Variants in RPS24 observed in about 807,000 individuals in gnomAD.
RPS24 encodes ribosomal protein S24.
For missense variants in RPS24, 100 were observed against 162.5 expected (o/e 0.62, Z 2.09); for synonymous variants, 72 against 55.6 (o/e 1.30, Z -1.31).
At chr10:78,050,444 T>G (rs1170481200) in intron 4 of RPS24, among the ~76,000 whole-genome samples, 1 of 152,222 alleles carries the variant, frequency 6.6e-6, no homozygotes, top group Non-Finnish European at 1.5e-5. Flanking sequence ...ACATCTGTCT[T>G]TCTTTCCTTC....
At chr10:78,043,042 C>CA (rs1418673755), downstream of RPS24, among the ~76,000 whole-genome samples, 1 of 152,148 alleles carries the variant, frequency 6.6e-6, no homozygotes, top group Non-Finnish European at 1.5e-5. Flanking sequence ...GTCTCACTGT[C>CA]ACCCAGGCTG....
chr10:78,052,525 A>G (rs554534831), intron 4 of RPS24, among the ~76,000 whole-genome samples: 20 of 152,310 alleles, frequency 1.3e-4, no homozygotes, highest in Non-Finnish European at 2.8e-4. Context: ...GGATGCTAAA[A>G]AAAAGCAAAT....
intron 4 of RPS24, chr10:78,038,180 T>C (rs1172964145): frequency 7.5e-6 from 2 of 265,314 alleles, no homozygotes; most frequent in Non-Finnish European, 1.5e-5. Context: ...TGTTTTAAGA[T>C]AGTATATTAT....
chr10:78,037,179 T>G lies in RPS24; in HGVS notation c.280-15T>G. 6.3e-7 allele frequency: 1 copy of G among 1,591,746 alleles called. No homozygotes were observed. The highest frequency in any genetic ancestry group is 8.6e-7 in the Non-Finnish European group (1 of 1,169,544). On this transcript the variant is annotated splice_polypyrimidine_tract_variant and intron_variant, in intron 3 of 5. Transcript: ENST00000372360. ...ATGTTTACAAGTCACCTGGATGTAC[T>G]CTTTTCTCATTCAGCATGGCCTGTA...
At chr10:78,042,010 A>G (rs1003688511), downstream of RPS24, among the ~76,000 whole-genome samples, 2 of 152,286 alleles carry the variant, frequency 1.3e-5, no homozygotes, top group East Asian at 3.9e-4. Flanking sequence ...ATTTTTCCAG[A>G]GGATCCACTT....
At chr10:78,041,704 A>G (rs889679593), downstream of RPS24, among the ~76,000 whole-genome samples, 1 of 152,118 alleles carries the variant, frequency 6.6e-6, no homozygotes. Flanking sequence ...GGTGGTGAGG[A>G]TCCTGACAGT....
intron 1 of RPS24, chr10:78,034,234 C>T (rs1447642157): frequency 2.4e-5 from 12 of 499,664 alleles, no homozygotes; most frequent in South Asian, 7.0e-5. Context: ...GTCTGCAGTT[C>T]CTCATTGGGC....
downstream of RPS24, among the ~76,000 whole-genome samples, chr10:78,042,135 C>T (rs1847992610): frequency 6.6e-6 from 1 of 152,196 alleles, no homozygotes; most frequent in Non-Finnish European, 1.5e-5. Flanking sequence ...CTTGAAATAC[C>T]AGAAGCAGCA....
chr10:78,040,299 C>T, intron 5 of RPS24, 74 bp downstream of exon 5: 2 of 1,243,428 alleles, frequency 1.6e-6, no homozygotes, highest in South Asian at 1.2e-5. Context: ...AATTTAAAAG[C>T]AGATCATGTG....
chr10:78,043,781 G>C (rs574410999), downstream of RPS24, among the ~76,000 whole-genome samples: 1 of 152,270 alleles, frequency 6.6e-6, no homozygotes, highest in South Asian at 2.1e-4. Flanking sequence ...GTCTTGGAAG[G>C]CTTCCAGGAG....
downstream of RPS24, among the ~76,000 whole-genome samples, chr10:78,044,369 A>C (rs1026967689): frequency 3.9e-5 from 6 of 152,158 alleles, no homozygotes; most frequent in African/African-American, 1.4e-4. Flanking sequence ...GGGAGGTGGG[A>C]GCAGAGTGGG....
chr10:78,054,624 C>T lies in RPS24; in HGVS notation c.484C>T (p.Arg162Trp), dbSNP rs375150364. 4.1e-4 allele frequency: 635 copies of T among 1,551,566 alleles called. 6 individuals carry two copies. The South Asian group carries it at 7.1e-3, about 17-fold the overall frequency. The stretch of plus-strand genomic sequence containing the variant: ...GAAGAACTCGAAGGCAAGAGAAAGC[C>T]GGGGGGTTGTGTGGCAGGTAGAAGT... The change falls in exon 5 of 5, where the codon CGG becomes TGG. Residue 162 changes from arginine (R) to tryptophan (W), a missense_variant. Physicochemically the swap from Arg to Trp is moderately radical, Grantham distance 101 (BLOSUM62 -3). Coordinates refer to the RPS24 transcript ENST00000440692.
intron 4 of RPS24, among the ~76,000 whole-genome samples, chr10:78,050,450 CCTT>C (rs1198989906): frequency 1.3e-5 from 2 of 152,194 alleles, no homozygotes; most frequent in African/African-American, 2.4e-5. Flanking sequence ...GTCTTTCTTT[CCTT>C]CTTGTCACTC....
At chr10:78,054,652 C>T in exon 5 of RPS24, 1 of 1,551,682 alleles carries the variant, frequency 6.4e-7, no homozygotes, top group Non-Finnish European at 8.7e-7. Context: ...GTAGAAGTGC[C>T]AGGACCGTGG....
At chr10:78,040,778 G>A (rs1847976324), downstream of RPS24, 13 of 976,980 alleles carry the variant, frequency 1.3e-5, no homozygotes, top group South Asian at 1.5e-4. Context: ...TGCTGTCCAA[G>A]TTCACATGCT....
downstream of RPS24, among the ~76,000 whole-genome samples, chr10:78,044,415 G>A (rs1425766220): frequency 1.3e-5 from 2 of 152,148 alleles, no homozygotes; most frequent in Admixed American, 6.5e-5. Flanking sequence ...AAGATGGAAG[G>A]CCCTACATGA....
rs573961326 is a variant in RPS24, at chr10:78,035,370, C to T, written c.22C>T (p.Arg8Cys). ...TTTTCAGAACGACACCGTAACTATCCGCACTAGAAAGTTCATGACCAACCG... is the reference window on the plus strand; with the variant it reads ...TTTTCAGAACGACACCGTAACTATCTGCACTAGAAAGTTCATGACCAACCG... The part of the protein sequence containing the change: MNDTVTI[R>C]TRKFMTNRLL... The change falls in exon 2 of 6, where the codon CGC (arginine) becomes TGC (cysteine). Residue 8 changes from arginine to cysteine, a missense_variant. Transcript: ENST00000372360. 8.7e-6 allele frequency: 14 copies of T among 1,614,044 alleles called. No homozygotes were observed. The highest frequency in any genetic ancestry group is 2.2e-5 in the East Asian group (1 of 44,878).
chr10:78,053,673 G>A (rs1277275938), intron 4 of RPS24, among the ~76,000 whole-genome samples: 35 of 152,138 alleles, frequency 2.3e-4, no homozygotes, highest in East Asian at 1.9e-4. Context: ...GGAGCGGGCC[G>A]GGGATGGGGG....
downstream of RPS24, among the ~76,000 whole-genome samples, chr10:78,043,243 T>A (rs1848006063): frequency 6.6e-6 from 1 of 152,190 alleles, no homozygotes; most frequent in Non-Finnish European, 1.5e-5. Context: ...GACCTTGTGA[T>A]CCGCCTGCCT....
Sources: allele counts gnomAD v4.1 joint callset (sites outside exome capture counted in the v4.1 genomes callset), GRCh38; gene constraint gnomAD v4.1.1; transcripts MANE v1.5; gene names NCBI Gene and HGNC (gene_info 2026-07-23, HGNC 2026-07-21).